The following PDE8B variants were observed in gnomAD, a reference collection of about 807,000 sequenced individuals.
PDE8B encodes phosphodiesterase 8B, also known as high affinity cAMP-specific and IBMX-insensitive 3',5'-cyclic phosphodiesterase 8B.
A neutral mutation model predicts 101.3 loss-of-function variants in PDE8B; 26 were observed. The ratio of observed to expected loss-of-function variants is 0.26; its 90% confidence interval spans 0.19 to 0.36. The LOEUF (loss-of-function observed/expected upper bound fraction) is 0.36, where lower values mean the gene tolerates loss of function less well. PDE8B is among the 10% of genes least tolerant of loss of function. The pLI is 1.00. For missense variants in PDE8B, 810 were observed against 1,163.1 expected (o/e 0.70, Z 4.42); for synonymous variants, 424 against 429.3 (o/e 0.99, Z 0.15).
intron 1 of PDE8B, among the ~76,000 whole-genome samples, chr5:77,228,242 A>T (rs940903327): frequency 4.6e-5 from 7 of 152,174 alleles, no homozygotes; most frequent in African/African-American, 1.7e-4. Flanking sequence ...AGCATATTTC[A>T]TCAAAGCCAG....
intron 10 of PDE8B, among the ~76,000 whole-genome samples, chr5:77,380,993 G>C (rs767539078): frequency 1.3e-5 from 2 of 152,160 alleles, no homozygotes; most frequent in African/African-American, 4.8e-5. Flanking sequence ...AGGTGGGAAA[G>C]GGCATGGGAG....
At chr5:77,256,509 T>A (rs11956845) in intron 1 of PDE8B, among the ~76,000 whole-genome samples, 1,958 of 152,352 alleles carry the variant, frequency 0.013, 41 homozygotes, top group African/African-American at 0.044. Flanking sequence ...CTTGTAATGA[T>A]GAACATTTAG....
At chr5:77,126,786 A>C in the PDE8B span, among the ~76,000 whole-genome samples, 1 of 152,244 alleles carries the variant, frequency 6.6e-6, no homozygotes, top group Non-Finnish European at 1.5e-5. Flanking sequence ...TGAATTCCTG[A>C]TGAAAACTTT....
intron 3 of PDE8B, among the ~76,000 whole-genome samples, chr5:77,327,760 C>G (rs1489716509): frequency 6.6e-6 from 1 of 152,090 alleles, no homozygotes; most frequent in Non-Finnish European, 1.5e-5. Flanking sequence ...GCCTCCTGCC[C>G]CATTGTGAGT....
intron 1 of PDE8B, among the ~76,000 whole-genome samples, chr5:77,212,748 T>G (rs1172926725): frequency 6.6e-6 from 1 of 152,188 alleles, no homozygotes; most frequent in East Asian, 1.9e-4. Flanking sequence ...TCAAGCTCTC[T>G]CTCTCTCCCC....
At chr5:77,421,772 G>A (rs780351277) in intron 19 of PDE8B, 49 bp from the exon 20 acceptor site, 35 of 1,588,406 alleles carry the variant, frequency 2.2e-5, no homozygotes, top group Non-Finnish European at 2.8e-5. Flanking sequence ...ACCCTTGTGG[G>A]CTTCACCGTC....
chr5:77,091,377 C>T, the PDE8B span, among the ~76,000 whole-genome samples: 19 of 146,766 alleles, frequency 1.3e-4, no homozygotes, highest in African/African-American at 4.4e-4. Flanking sequence ...CAGTGGCTCA[C>T]GCCTGTAATC....
chr5:77,114,430 A>G, the PDE8B span: 2 of 152,126 alleles, frequency 1.3e-5, no homozygotes, highest in African/African-American at 4.8e-5. Context: ...CAAACACCGC[A>G]TGTTCTCACT....
At chr5:77,209,377 A>AG (rs1747801926), upstream of PDE8B, among the ~76,000 whole-genome samples, 2 of 152,266 alleles carry the variant, frequency 1.3e-5, no homozygotes, top group South Asian at 4.1e-4. Context: ...TGAAAAAAAA[A>AG]CAAAAAACAA....
At chr5:77,289,155 A>T (rs1766719510) in intron 1 of PDE8B, among the ~76,000 whole-genome samples, 1 of 152,148 alleles carries the variant, frequency 6.6e-6, no homozygotes, top group Non-Finnish European at 1.5e-5. Flanking sequence ...GTCCTCTTTT[A>T]TGCCTGGGAA....
At chr5:77,316,862 G>A (rs1229557312) in intron 2 of PDE8B, among the ~76,000 whole-genome samples, 2 of 152,196 alleles carry the variant, frequency 1.3e-5, no homozygotes, top group East Asian at 1.9e-4. Context: ...TTTCCCTCAT[G>A]TGAGTTTGGC....
rs937418342 is a variant in PDE8B at position 77,350,950 on chromosome 5, T to C, written c.1018-115T>C. 7.6e-6 allele frequency: 6 copies of C among 785,190 alleles called. No individual in the cohort carries two copies. The African/African-American group carries it at 8.4e-5, about 11-fold the overall frequency. 48.6% of individuals were successfully genotyped at this position (785,190 alleles called of 1,614,324 possible). A position where few individuals can be genotyped will look rare whatever the true frequency, so the allele number is the denominator to read the frequency against. ...CTGGGTACAACAATACAGCAGGCAT[T>C]GGGAAATGTAACGAGAGCATGTGGG... On this transcript the variant is annotated intron_variant, in intron 8 of 21. Transcript: ENST00000264917.
intron 1 of PDE8B, among the ~76,000 whole-genome samples, chr5:77,239,367 C>T (rs1755290807): frequency 6.6e-6 from 1 of 152,206 alleles, no homozygotes; most frequent in African/African-American, 2.4e-5. Context: ...TGATCTGTCT[C>T]ATAATTTAGT....
intron 1 of PDE8B, among the ~76,000 whole-genome samples, chr5:77,292,920 G>T (rs1347484031): frequency 2.6e-5 from 4 of 151,954 alleles, no homozygotes; most frequent in Non-Finnish European, 4.4e-5. Context: ...AGGCTTCCGG[G>T]CCCTTGAATG....
chr5:77,192,088 T>C, the PDE8B span, among the ~76,000 whole-genome samples: 3 of 152,314 alleles, frequency 2.0e-5, 1 homozygote, highest in South Asian at 2.1e-4. Context: ...TGGCTATAAA[T>C]AGAGATGAAG....
At chr5:77,209,481 G>A (rs1747814482), upstream of PDE8B, among the ~76,000 whole-genome samples, 1 of 152,156 alleles carries the variant, frequency 6.6e-6, no homozygotes, top group African/African-American at 2.4e-5. Flanking sequence ...TCCTTTCTTA[G>A]ACCATCTAAT....
chr5:77,307,908 G>A (rs1771632301), intron 1 of PDE8B, among the ~76,000 whole-genome samples: 1 of 152,112 alleles, frequency 6.6e-6, no homozygotes, highest in Admixed American at 6.5e-5. Flanking sequence ...GCCACTTCCT[G>A]GAATCAGAGC....
At chr5:77,348,715 C>T (rs1193033416) in intron 7 of PDE8B, among the ~76,000 whole-genome samples, 1 of 152,190 alleles carries the variant, frequency 6.6e-6, no homozygotes, top group Admixed American at 6.5e-5. Flanking sequence ...CAGGGTCTTG[C>T]TGTGTTGCCT....
At chr5:77,208,779 G>A (rs1475385725), upstream of PDE8B, among the ~76,000 whole-genome samples, 1 of 152,148 alleles carries the variant, frequency 6.6e-6, no homozygotes, top group African/African-American at 2.4e-5. Context: ...CAGCTGAAGA[G>A]AGCCACCTTG....
Sources: allele counts gnomAD v4.1 joint callset (sites outside exome capture counted in the v4.1 genomes callset), GRCh38; gene constraint gnomAD v4.1.1; transcripts MANE v1.5; gene names NCBI Gene and HGNC (gene_info 2026-07-23, HGNC 2026-07-21).